Variants in FAF1 observed in about 807,000 individuals in gnomAD.
The protein encoded by FAF1 is FAS-associated factor 1.
In FAF1, 25 loss-of-function variants were observed where a neutral mutation model predicts 92.5. That is an observed-to-expected ratio of 0.27 (90% CI 0.20 to 0.38). The LOEUF (loss-of-function observed/expected upper bound fraction) is 0.38, where lower values mean the gene tolerates loss of function less well. Ranked by LOEUF, FAF1 falls within the 10% of genes least tolerant of loss-of-function variation. The pLI, the probability that FAF1 is intolerant of heterozygous loss-of-function variation, is 1.00. For missense variants in FAF1, 636 were observed against 793.3 expected, an observed-to-expected ratio of 0.80 and a Z score of 2.38; for synonymous variants, 234 against 273.2, an observed-to-expected ratio of 0.86 and a Z score of 1.42.
Position 50,878,794 on chromosome 1 carries a change from C to T in FAF1, c.46-20797G>A, listed in dbSNP as rs1049238477. Among the ~76,000 whole-genome samples the T allele has an allele frequency of 2.6e-5, 4 of 152,180 alleles. No homozygotes were observed. The South Asian group carries it at 8.3e-4, about 31-fold the overall frequency. Reference sequence around the variant, plus strand: ...TTATCTCATTTAATCATCTCACCAACCCTATGAAGTAGATACCATTATGAC... The same window carrying T: ...TTATCTCATTTAATCATCTCACCAATCCTATGAAGTAGATACCATTATGAC... On this transcript the variant is annotated intron_variant, in intron 1 of 18. Coordinates refer to ENST00000396153, the MANE Select transcript of FAF1 (RefSeq NM_007051.3).
At chr1:50,769,590 T>A (rs1002515446) in intron 4 of FAF1, among the ~76,000 whole-genome samples, 1 of 152,196 alleles carries the variant, frequency 6.6e-6, no homozygotes, top group Non-Finnish European at 1.5e-5. Flanking sequence ...CAAAAGCTAA[T>A]CCTTCATGAT....
At chr1:50,885,919 G>A (rs756576218) in intron 1 of FAF1, among the ~76,000 whole-genome samples, 9 of 152,034 alleles carry the variant, frequency 5.9e-5, no homozygotes, top group East Asian at 5.8e-4. Context: ...TATCTTAAGC[G>A]GATAACAACT....
At chr1:50,578,394 C>T (rs1438590932) in intron 12 of FAF1, among the ~76,000 whole-genome samples, 1 of 152,084 alleles carries the variant, frequency 6.6e-6, no homozygotes, top group Non-Finnish European at 1.5e-5. Flanking sequence ...ACGATTCATT[C>T]AAAAATTTTA....
chr1:50,703,099 A>G (rs1416889076), intron 7 of FAF1, among the ~76,000 whole-genome samples: 1 of 151,980 alleles, frequency 6.6e-6, no homozygotes, highest in African/African-American at 2.4e-5. Context: ...ATTAGTCAGG[A>G]TTTATTCTTG....
intron 1 of FAF1, among the ~76,000 whole-genome samples, chr1:50,898,733 T>C (rs1341167073): frequency 2.0e-5 from 3 of 152,196 alleles, no homozygotes; most frequent in Non-Finnish European, 4.4e-5. Flanking sequence ...CTTCTGTCAG[T>C]CTTATCTTTG....
intron 3 of FAF1, among the ~76,000 whole-genome samples, chr1:50,797,268 G>C (rs533207923): frequency 1.3e-3 from 192 of 152,242 alleles, no homozygotes; most frequent in Admixed American, 3.3e-3. Context: ...AATCAAAAAA[G>C]AGTAAATGTA....
In FAF1 at chr1:50,791,321, C is replaced by T. The variant is rs371135633; in HGVS notation, c.162-3116G>A. On this transcript the variant is annotated intron_variant, in intron 3 of 18. Coordinates refer to ENST00000396153, the MANE Select transcript of FAF1 (RefSeq NM_007051.3). The stretch of plus-strand genomic sequence containing the variant: ...GAAAAACCTAAGAAAAAGCTAGTCA[C>T]TGACTTACTGTTTTTTGACTTCAAA... 1.8e-4 allele frequency among the ~76,000 whole-genome samples: 28 copies of T among 152,290 alleles called. No individual in the cohort carries two copies. The South Asian group carries it at 4.6e-3, about 25-fold the overall frequency.
chr1:50,738,366 C>T (rs1448262707), intron 6 of FAF1, among the ~76,000 whole-genome samples: 1 of 151,016 alleles, frequency 6.6e-6, no homozygotes, highest in Non-Finnish European at 1.5e-5. Flanking sequence ...TCACTTGAAT[C>T]CGGGAGGCAG....
At chr1:50,737,287 A>T (rs1569859861) in intron 6 of FAF1, among the ~76,000 whole-genome samples, 1 of 152,360 alleles carries the variant, frequency 6.6e-6, no homozygotes, top group Middle Eastern at 3.4e-3. Flanking sequence ...AAGGTCAGCT[A>T]CATGGCAATG....
At chr1:50,909,292 C>T (rs1644864853) in intron 1 of FAF1, among the ~76,000 whole-genome samples, 1 of 152,240 alleles carries the variant, frequency 6.6e-6, no homozygotes, top group Non-Finnish European at 1.5e-5. Flanking sequence ...ACCTTTCTCT[C>T]TGGCTACCCT....
chr1:50,758,850 GTTA>G (rs1660194420), intron 4 of FAF1, among the ~76,000 whole-genome samples: 2 of 151,986 alleles, frequency 1.3e-5, no homozygotes, highest in Non-Finnish European at 2.9e-5. Context: ...TATTATTATT[GTTA>G]TTATTTTGAG....
intron 1 of FAF1, among the ~76,000 whole-genome samples, chr1:50,890,661 CTT>C (rs1014280499): frequency 6.6e-6 from 1 of 152,148 alleles, no homozygotes; most frequent in Admixed American, 6.5e-5. Context: ...GTTGAAAATT[CTT>C]TTCTTTGAGA....
At chr1:50,607,083 G>C (rs1652464237) in intron 8 of FAF1, 1 of 152,160 alleles carries the variant, frequency 6.6e-6, no homozygotes. Flanking sequence ...TAAGCCTCCT[G>C]AGAACATTTA....
At chr1:50,683,629 T>C (rs1656521478) in intron 7 of FAF1, among the ~76,000 whole-genome samples, 1 of 151,804 alleles carries the variant, frequency 6.6e-6, no homozygotes, top group South Asian at 2.1e-4. Context: ...TGTTTTAATA[T>C]AGTAATTTTT....
intron 2 of FAF1, among the ~76,000 whole-genome samples, chr1:50,851,090 T>C (rs2124657665): frequency 6.6e-6 from 1 of 151,658 alleles, no homozygotes; most frequent in Admixed American, 6.6e-5. Context: ...CATTTTTTTT[T>C]TTTTTTTTTT....
intron 4 of FAF1, among the ~76,000 whole-genome samples, chr1:50,754,784 G>C (rs1327039977): frequency 3.3e-5 from 5 of 152,126 alleles, no homozygotes; most frequent in Non-Finnish European, 7.4e-5. Flanking sequence ...AAATGGTTGG[G>C]GAGGCCCTAT....
intron 1 of FAF1, among the ~76,000 whole-genome samples, chr1:50,872,689 G>A (rs936891192): frequency 6.6e-6 from 1 of 152,152 alleles, no homozygotes; most frequent in Non-Finnish European, 1.5e-5. Context: ...CTGAGGTCAG[G>A]AGTTCGAGAC....
chr1:50,630,263 CAT>C (rs1358062308), intron 8 of FAF1, among the ~76,000 whole-genome samples: 1 of 152,150 alleles, frequency 6.6e-6, no homozygotes, highest in Admixed American at 6.5e-5. Context: ...AGTTGTAAGA[CAT>C]ATTTTGCATT....
At chr1:50,548,649 C>T (rs1649149031) in intron 13 of FAF1, among the ~76,000 whole-genome samples, 2 of 152,166 alleles carry the variant, frequency 1.3e-5, no homozygotes, top group Non-Finnish European at 2.9e-5. Flanking sequence ...AGGTGTTGGT[C>T]CACAAGTTTA....
Sources: gnomAD v4.1 joint callset for allele counts (sites outside exome capture counted in the v4.1 genomes callset) on GRCh38, gnomAD v4.1.1 for gene constraint, MANE v1.5 for transcripts, NCBI Gene and HGNC (gene_info 2026-07-23, HGNC 2026-07-21) for gene names.